The following CMSS1 variants were observed in gnomAD, a reference collection of about 807,000 sequenced individuals.
The protein encoded by CMSS1 is cms1 ribosomal small subunit homolog.
In CMSS1, 33 loss-of-function variants were observed where a neutral mutation model predicts 43.5. The observed-to-expected ratio is 0.76, with a 90% CI of 0.57 to 1.01. The LOEUF is 1.01. CMSS1 is among the 50% of genes least tolerant of loss of function. The pLI is 0.00. For synonymous variants in CMSS1, 115 were observed against 117.2 expected (o/e 0.98, Z 0.12); for missense variants, 313 against 326.4 (o/e 0.96, Z 0.32).
At chr3:100,054,500 A>T (rs972962479) in intron 1 of CMSS1, among the ~76,000 whole-genome samples, 1 of 131,168 alleles carries the variant, frequency 7.6e-6, no homozygotes, top group South Asian at 2.7e-4. Context: ...TTGTTATGTT[A>T]TGTTATGTTA....
intron 1 of CMSS1, among the ~76,000 whole-genome samples, chr3:100,004,839 G>A (rs1709943543): frequency 6.6e-6 from 1 of 152,232 alleles, no homozygotes; most frequent in Non-Finnish European, 1.5e-5. Flanking sequence ...CTATGGGGCA[G>A]GTGGGGAAAA....
In CMSS1 at chr3:100,176,375, G is replaced by A. The variant is rs1308197330; in HGVS notation, c.716G>A (p.Trp239Ter). ...AAATTTCTGGTTTTTGACTGGAACT[G>A]GAGAGATCAGAAGTTGAGGAGAATG... ...PLKFLVFDWN[W>*]RDQKLRRMMD... Residue 239 changes from tryptophan (W) to a stop codon, truncating the protein, a stop_gained, in exon 9 of 10, where the codon TGG becomes TAG. Transcript: ENST00000421999. LOFTEE classifies it high-confidence loss of function. 1.2e-6 allele frequency: 2 copies of A among 1,613,570 alleles called. No homozygotes were observed. The highest frequency in any genetic ancestry group is 1.7e-6 in the Non-Finnish European group (2 of 1,179,656).
chr3:100,067,001 TTGAGTGAG>T (rs2065677048), intron 1 of CMSS1, among the ~76,000 whole-genome samples: 1 of 152,192 alleles, frequency 6.6e-6, no homozygotes, highest in Non-Finnish European at 1.5e-5. Flanking sequence ...CATACACATA[TTGAGTGAG>T]ATTCCTCAGT....
At chr3:100,164,438 A>G (rs1184061457) in intron 4 of CMSS1, among the ~76,000 whole-genome samples, 1 of 152,214 alleles carries the variant, frequency 6.6e-6, no homozygotes, top group Non-Finnish European at 1.5e-5. Context: ...GAGTCATTTG[A>G]GTTCCATAGT....
intron 1 of CMSS1, among the ~76,000 whole-genome samples, chr3:99,988,296 G>T (rs759732295): frequency 5.2e-5 from 7 of 134,552 alleles, no homozygotes; most frequent in Non-Finnish European, 7.6e-5. Flanking sequence ...GGGAGATGGA[G>T]ACCATCCTGG....
At chr3:100,103,363 T>C (rs1420067427) in intron 1 of CMSS1, among the ~76,000 whole-genome samples, 1 of 152,106 alleles carries the variant, frequency 6.6e-6, no homozygotes, top group African/African-American at 2.4e-5. Context: ...ATTCTGAAGG[T>C]TATTATGGCC....
At chr3:100,094,166 A>AT (rs2066162116) in intron 1 of CMSS1, among the ~76,000 whole-genome samples, 1 of 152,076 alleles carries the variant, frequency 6.6e-6, no homozygotes, top group African/African-American at 2.4e-5. Context: ...TTTCATTTGC[A>AT]TTTCCCTAGC....
At chr3:100,018,773 C>G (rs1710419123) in intron 1 of CMSS1, among the ~76,000 whole-genome samples, 1 of 151,526 alleles carries the variant, frequency 6.6e-6, no homozygotes, top group Non-Finnish European at 1.5e-5. Flanking sequence ...GAAAAGGCAG[C>G]CTATGAAATG....
At chr3:99,890,191 T>C (rs893796247) in intron 1 of CMSS1, among the ~76,000 whole-genome samples, 2 of 152,140 alleles carry the variant, frequency 1.3e-5, no homozygotes, top group Non-Finnish European at 2.9e-5. Flanking sequence ...ATTGAAGATA[T>C]TATTCCACCA....
intron 1 of CMSS1, among the ~76,000 whole-genome samples, chr3:100,105,494 G>A (rs992871631): frequency 2.0e-5 from 3 of 152,104 alleles, no homozygotes; most frequent in African/African-American, 7.2e-5. Context: ...GGGGCAAAAG[G>A]GACTTCCAGG....
In CMSS1 at chr3:99,847,005, G is replaced by C. The variant is rs181011813; in HGVS notation, c.64+28962G>C. Among the ~76,000 whole-genome samples the C allele has an allele frequency of 3.3e-5, 5 of 152,266 alleles. No homozygotes were observed. The East Asian group carries it at 9.6e-4, about 29-fold the overall frequency. On this transcript the variant is annotated intron_variant, in intron 1 of 9. Coordinates refer to ENST00000421999, the MANE Select transcript of CMSS1 (RefSeq NM_032359.4). ...GCTCAGAAGTATGGATTATCCCCAG[G>C]GACTCCCATGAGGCAGATATCAGAA...
chr3:99,891,237 C>T (rs1475166359), intron 1 of CMSS1, among the ~76,000 whole-genome samples: 1 of 151,980 alleles, frequency 6.6e-6, no homozygotes, highest in African/African-American at 2.4e-5. Context: ...ATTACCCTTT[C>T]GTCTGGGTAA....
intron 1 of CMSS1, among the ~76,000 whole-genome samples, chr3:99,980,971 T>C (rs1171853718): frequency 6.6e-6 from 1 of 152,140 alleles, no homozygotes; most frequent in Non-Finnish European, 1.5e-5. Context: ...TTTAACCAAA[T>C]GAGGCATAAT....
At chr3:100,073,652 TGCCAG>T (rs1259289535) in intron 1 of CMSS1, among the ~76,000 whole-genome samples, 2 of 152,194 alleles carry the variant, frequency 1.3e-5, no homozygotes, top group Non-Finnish European at 2.9e-5. Flanking sequence ...AAGTTTTTCA[TGCCAG>T]TAATAAACCT....
chr3:100,015,143 A>C (rs767330996), intron 1 of CMSS1, among the ~76,000 whole-genome samples: 2 of 151,634 alleles, frequency 1.3e-5, no homozygotes, highest in Non-Finnish European at 2.9e-5. Context: ...CATTTGTTAA[A>C]GATGCTGTCC....
At chr3:100,078,104 G>A (rs912698473) in intron 1 of CMSS1, among the ~76,000 whole-genome samples, 3 of 151,512 alleles carry the variant, frequency 2.0e-5, no homozygotes, top group Admixed American at 2.0e-4. Context: ...AATATATGCT[G>A]GTTTGATAAA....
chr3:99,990,057 TTC>T lies in CMSS1; in HGVS notation c.65-156912_65-156911del, dbSNP rs1464702643. On this transcript the variant is annotated intron_variant, in intron 1 of 9. Coordinates refer to ENST00000421999, the MANE Select transcript of CMSS1 (RefSeq NM_032359.4). Reference sequence around the variant, plus strand: ...TCCCATAAAATGACTATTTTTGCAATTCTCTGTTTGCCGCTTTGTGTTTGTTT... The same window carrying T: ...TCCCATAAAATGACTATTTTTGCAATTCTGTTTGCCGCTTTGTGTTTGTTT... 2.0e-5 allele frequency among the ~76,000 whole-genome samples: 3 copies of T among 152,332 alleles called. 1 individual carries two copies. Among genetic ancestry groups the T allele is most frequent in the African/African-American group, 4.8e-5 (2 of 41,586 alleles).
chr3:99,831,486 A>T (rs1309088728), intron 1 of CMSS1, among the ~76,000 whole-genome samples: 2 of 152,224 alleles, frequency 1.3e-5, no homozygotes, highest in East Asian at 3.8e-4. Context: ...ACGAAAAAGG[A>T]AGGAAACAAC....
chr3:100,177,773 G>A (rs576671232), intron 9 of CMSS1, among the ~76,000 whole-genome samples: 1 of 152,274 alleles, frequency 6.6e-6, no homozygotes, highest in East Asian at 1.9e-4. Flanking sequence ...CTTGAAGCCA[G>A]GAGTTCGAGA....
Sources: allele counts gnomAD v4.1 joint callset (sites outside exome capture counted in the v4.1 genomes callset), GRCh38; gene constraint gnomAD v4.1.1; transcripts MANE v1.5; gene names NCBI Gene and HGNC (gene_info 2026-07-23, HGNC 2026-07-21).